Variants in L3MBTL4 observed in about 807,000 individuals in gnomAD.
L3MBTL4 encodes the protein lethal(3)malignant brain tumor-like protein 4.
In L3MBTL4, 70 loss-of-function variants were observed where a neutral mutation model predicts 84.5. The observed-to-expected ratio is 0.83, with a 90% confidence interval of 0.68 to 1.01. The LOEUF is 1.01. L3MBTL4 is among the 50% of genes least tolerant of loss of function. The pLI is 0.00. For missense variants in L3MBTL4, 715 were observed against 754.8 expected, an observed-to-expected ratio of 0.95 and a Z score of 0.62; for synonymous variants, 274 against 259.8, an observed-to-expected ratio of 1.05 and a Z score of -0.52.
At chr18:6,001,517 G>A (rs2054212631) in intron 16 of L3MBTL4, among the ~76,000 whole-genome samples, 1 of 152,006 alleles carries the variant, frequency 6.6e-6, no homozygotes, top group African/African-American at 2.4e-5. Flanking sequence ...GGGGAAGGCG[G>A]GGAATCTGAT....
At chr18:6,152,073 T>C (rs1315951992) in intron 13 of L3MBTL4, among the ~76,000 whole-genome samples, 1 of 152,238 alleles carries the variant, frequency 6.6e-6, no homozygotes, top group African/African-American at 2.4e-5. Flanking sequence ...TTTCTTTTTA[T>C]GGATGAAAAA....
At chr18:6,038,748 G>A (rs1158134614) in intron 16 of L3MBTL4, among the ~76,000 whole-genome samples, 1 of 152,122 alleles carries the variant, frequency 6.6e-6, no homozygotes, top group Non-Finnish European at 1.5e-5. Flanking sequence ...GAGAAAACTT[G>A]ACAGTCTTTG....
At position 6,388,530 on chromosome 18, in the gene L3MBTL4, A is replaced by T. The variant is rs568966101; in HGVS notation, c.-91+26271T>A. Among the ~76,000 whole-genome samples the T allele has an allele frequency of 3.3e-5, 5 of 152,308 alleles. No homozygotes were observed. In the South Asian group the frequency reaches 1.0e-3, roughly 32 times the overall value. ...AGAAAACTACCAGGTGAGAAAAGTG[A>T]GTTCCAGTGGAGCCAGGGGATGCTG... On this transcript the variant is annotated intron_variant, in intron 1 of 18. Coordinates refer to ENST00000317931, the MANE Select transcript of L3MBTL4 (RefSeq NM_001330559.2).
chr18:5,957,716 G>A (rs1382061380), intron 18 of L3MBTL4, among the ~76,000 whole-genome samples: 2 of 151,966 alleles, frequency 1.3e-5, no homozygotes, highest in African/African-American at 2.4e-5. Context: ...AGCACTTTGG[G>A]AGGCCGAGGT....
At chr18:6,331,107 G>A (rs1303950606) in intron 1 of L3MBTL4, among the ~76,000 whole-genome samples, 3 of 152,140 alleles carry the variant, frequency 2.0e-5, no homozygotes, top group Non-Finnish European at 4.4e-5. Flanking sequence ...AACAACTGAG[G>A]AACTAAATCA....
intron 13 of L3MBTL4, among the ~76,000 whole-genome samples, chr18:6,146,322 C>T (rs1406197032): frequency 2.0e-5 from 3 of 152,196 alleles, no homozygotes. Context: ...AGGTGAGCCC[C>T]ATGGCGAGTT....
chr18:6,089,488 T>A (rs575695908), intron 15 of L3MBTL4, among the ~76,000 whole-genome samples: 2 of 152,290 alleles, frequency 1.3e-5, no homozygotes, highest in East Asian at 3.9e-4. Context: ...ATCCTAGACA[T>A]CAGTAGAAAG....
chr18:6,187,044 G>C (rs1293621214), intron 12 of L3MBTL4, among the ~76,000 whole-genome samples: 1 of 152,182 alleles, frequency 6.6e-6, no homozygotes, highest in Non-Finnish European at 1.5e-5. Context: ...CCAAGGTCTA[G>C]GCTTCAACAA....
At chr18:6,358,008 A>G (rs369965242) in intron 1 of L3MBTL4, among the ~76,000 whole-genome samples, 114 of 152,338 alleles carry the variant, frequency 7.5e-4, no homozygotes, top group African/African-American at 2.7e-3. Flanking sequence ...GACAAAGCGG[A>G]GCACACATCA....
At chr18:6,343,601 G>A (rs2052719706) in intron 1 of L3MBTL4, among the ~76,000 whole-genome samples, 1 of 149,500 alleles carries the variant, frequency 6.7e-6, no homozygotes, top group African/African-American at 2.5e-5. Flanking sequence ...GGCAGAGCTT[G>A]CAGCGAGTCA....
At chr18:6,334,291 G>C (rs8098622) in intron 1 of L3MBTL4, among the ~76,000 whole-genome samples, 7,264 of 152,102 alleles carry the variant, frequency 0.048, 496 homozygotes, top group African/African-American at 0.15. Flanking sequence ...CAATAGCTTG[G>C]AAGAAAAACC....
intron 1 of L3MBTL4, among the ~76,000 whole-genome samples, chr18:6,317,463 T>C (rs2051166271): frequency 6.6e-6 from 1 of 152,020 alleles, no homozygotes; most frequent in African/African-American, 2.4e-5. Context: ...TAAAAATGCA[T>C]GGGAAACTTT....
intron 16 of L3MBTL4, among the ~76,000 whole-genome samples, chr18:6,009,958 T>C (rs2054661011): frequency 6.6e-6 from 1 of 152,214 alleles, no homozygotes; most frequent in South Asian, 2.1e-4. Context: ...TTAAGAATCA[T>C]ATTTCATTAG....
chr18:6,253,303 G>T (rs2048006789), intron 5 of L3MBTL4, among the ~76,000 whole-genome samples: 1 of 152,244 alleles, frequency 6.6e-6, no homozygotes, highest in Non-Finnish European at 1.5e-5. Context: ...AAATTGCTCT[G>T]TTTGCACACT....
At chr18:5,974,521 G>A (rs1456801725) in intron 16 of L3MBTL4, among the ~76,000 whole-genome samples, 4 of 152,190 alleles carry the variant, frequency 2.6e-5, no homozygotes, top group African/African-American at 9.7e-5. Flanking sequence ...CCACAGCCAG[G>A]GGAAGGCCAA....
chr18:6,343,717 A>G (rs2052728186), intron 1 of L3MBTL4, among the ~76,000 whole-genome samples: 1 of 152,012 alleles, frequency 6.6e-6, no homozygotes, highest in Non-Finnish European at 1.5e-5. Context: ...TTCAGCCACA[A>G]TGGTATGAAA....
chr18:6,154,892 C>A (rs751317197), intron 13 of L3MBTL4, among the ~76,000 whole-genome samples: 7 of 152,102 alleles, frequency 4.6e-5, no homozygotes, highest in Non-Finnish European at 1.0e-4. Context: ...TTTCTAATGA[C>A]CTCCATTACA....
chr18:6,267,082 A>G (rs1445448081), intron 4 of L3MBTL4, among the ~76,000 whole-genome samples: 5 of 152,138 alleles, frequency 3.3e-5, no homozygotes, highest in Non-Finnish European at 7.4e-5. Flanking sequence ...TAAATCATAT[A>G]TACTTTATTT....
intron 10 of L3MBTL4, among the ~76,000 whole-genome samples, chr18:6,222,232 G>T (rs2046586437): frequency 6.6e-6 from 1 of 152,152 alleles, no homozygotes; most frequent in Non-Finnish European, 1.5e-5. Flanking sequence ...CAGTACGTCA[G>T]ATTTTTTACT....
Sources: gnomAD v4.1 joint callset for allele counts (sites outside exome capture counted in the v4.1 genomes callset) on GRCh38, gnomAD v4.1.1 for gene constraint, MANE v1.5 for transcripts, NCBI Gene and HGNC (gene_info 2026-07-23, HGNC 2026-07-21) for gene names.